The following SLC25A51 variants were observed in gnomAD, a reference collection of about 807,000 sequenced individuals.
SLC25A51 encodes the protein mitochondrial nicotinamide adenine dinucleotide transporter SLC25A51.
In SLC25A51, 11 loss-of-function variants were observed where a neutral mutation model predicts 19.1. The observed-to-expected ratio is 0.58, with a 90% CI of 0.36 to 0.96. The LOEUF (loss-of-function observed/expected upper bound fraction) is 0.96, where lower values mean the gene tolerates loss of function less well. SLC25A51 is among the 40% of genes least tolerant of loss of function. SLC25A51 has a pLI of 0.01. For synonymous variants in SLC25A51, 105 were observed against 133.6 expected (o/e 0.79, Z 1.47); for missense variants, 201 against 365.4 (o/e 0.55, Z 3.67).
chr9:37,900,923 C>T (rs545649139), intron 1 of SLC25A51, among the ~76,000 whole-genome samples: 3 of 152,172 alleles, frequency 2.0e-5, no homozygotes, highest in Admixed American at 6.5e-5. Context: ...GTGGCTACCT[C>T]GCAGTTCACT....
chr9:37,885,272 G>C (rs1033429531), downstream of SLC25A51, among the ~76,000 whole-genome samples: 2 of 143,632 alleles, frequency 1.4e-5, no homozygotes, highest in East Asian at 2.2e-4. Context: ...TGGGGATTAG[G>C]TTCCCTGTCA....
At chr9:37,891,994 T>C (rs577217777) in intron 2 of SLC25A51, among the ~76,000 whole-genome samples, 19 of 148,094 alleles carry the variant, frequency 1.3e-4, no homozygotes, top group Admixed American at 1.2e-3. Flanking sequence ...AAAGACACAA[T>C]GTGTAAGTGA....
intron 2 of SLC25A51, among the ~76,000 whole-genome samples, chr9:37,892,316 C>T (rs889994554): frequency 1.3e-5 from 2 of 152,200 alleles, no homozygotes; most frequent in African/African-American, 4.8e-5. Flanking sequence ...TCACTATGCA[C>T]ATAAGGGTGA....
intron 2 of SLC25A51, among the ~76,000 whole-genome samples, chr9:37,891,779 C>T (rs2118335848): frequency 6.6e-6 from 1 of 150,844 alleles, no homozygotes; most frequent in South Asian, 2.1e-4. Flanking sequence ...TGTTTGTCTG[C>T]TGACCTTCCC....
At chr9:37,903,335 A>T (rs1026195120) in intron 1 of SLC25A51, among the ~76,000 whole-genome samples, 1 of 152,194 alleles carries the variant, frequency 6.6e-6, no homozygotes, top group East Asian at 1.9e-4. Flanking sequence ...GAGCTGTGAG[A>T]TGCAAAACAA....
downstream of SLC25A51, among the ~76,000 whole-genome samples, chr9:37,883,221 AT>A (rs1831383184): frequency 6.6e-6 from 1 of 152,250 alleles, no homozygotes; most frequent in Non-Finnish European, 1.5e-5. Flanking sequence ...TTAACAACAC[AT>A]TTTGACTTCA....
intron 1 of SLC25A51, among the ~76,000 whole-genome samples, chr9:37,900,522 T>C (rs887109891): frequency 1.3e-5 from 2 of 151,968 alleles, no homozygotes; most frequent in African/African-American, 4.8e-5. Context: ...CATGGCTCAC[T>C]GCAGCCTGGA....
At chr9:37,894,905 A>G (rs1359690552) in intron 2 of SLC25A51, among the ~76,000 whole-genome samples, 1 of 152,188 alleles carries the variant, frequency 6.6e-6, no homozygotes, top group Non-Finnish European at 1.5e-5. Flanking sequence ...GTATGCTAAG[A>G]ATAATGGCTT....
At chr9:37,901,509 C>G (rs180919655) in intron 1 of SLC25A51, among the ~76,000 whole-genome samples, 102 of 152,296 alleles carry the variant, frequency 6.7e-4, no homozygotes, top group African/African-American at 2.2e-3. Flanking sequence ...TATTTTTATC[C>G]TTTATTTCAT....
chr9:37,877,688 T>C (rs1272307237), downstream of SLC25A51, among the ~76,000 whole-genome samples: 1 of 151,780 alleles, frequency 6.6e-6, no homozygotes, highest in African/African-American at 2.4e-5. Context: ...CGTGAGCCAC[T>C]GTGCCCTGCC....
exon 4 of SLC25A51, chr9:37,880,293 C>G (rs1256603127): frequency 7.3e-6 from 1 of 137,744 alleles, no homozygotes; most frequent in Middle Eastern, 3.9e-3. Context: ...AGCCTGGCGA[C>G]AGAGACCACG....
intron 2 of SLC25A51, among the ~76,000 whole-genome samples, chr9:37,894,032 G>A (rs1356296107): frequency 6.6e-6 from 1 of 152,150 alleles, no homozygotes; most frequent in African/African-American, 2.4e-5. Context: ...AGTGAGGTAT[G>A]TAACAATGCA....
chr9:37,901,677 A>G (rs970932998), intron 1 of SLC25A51, among the ~76,000 whole-genome samples: 11 of 151,932 alleles, frequency 7.2e-5, no homozygotes, highest in African/African-American at 2.4e-4. Context: ...GATTAAAGGG[A>G]AAAAAAAGGT....
chr9:37,886,693 C>G (rs1343819330), downstream of SLC25A51, among the ~76,000 whole-genome samples: 1 of 152,198 alleles, frequency 6.6e-6, no homozygotes, highest in Non-Finnish European at 1.5e-5. Flanking sequence ...CAGACATCTC[C>G]ATGGTTTCTC....
rs139759279 is a variant in SLC25A51, at chr9:37,893,761, A to T, written c.-42-5169T>A. ...TTTGTAGATCCAGTAACAACAAAAA[A>T]TCATTTAAATAAAAATTCACAGAAG... On this transcript the variant is annotated intron_variant, in intron 2 of 2. Coordinates refer to ENST00000242275, the MANE Select transcript of SLC25A51 (RefSeq NM_033412.4). Among the ~76,000 whole-genome samples the T allele has an allele frequency of 4.8e-3, 728 of 152,334 alleles. 9 individuals carry two copies. Among genetic ancestry groups the T allele is most frequent in the African/African-American group, 0.017 (700 of 41,566 alleles).
downstream of SLC25A51, among the ~76,000 whole-genome samples, chr9:37,885,342 T>TAAAAA (rs60095173): frequency 1.0e-5 from 1 of 99,238 alleles, no homozygotes; most frequent in Non-Finnish European, 2.0e-5. Context: ...TAGGTAATGA[T>TAAAAA]AAAAAAAAAA....
downstream of SLC25A51, among the ~76,000 whole-genome samples, chr9:37,883,703 T>G (rs1831391253): frequency 6.6e-6 from 1 of 152,220 alleles, no homozygotes; most frequent in African/African-American, 2.4e-5. Context: ...CCAAGGTGCC[T>G]TTATTTATTC....
At chr9:37,883,368 A>T (rs1232623430), downstream of SLC25A51, among the ~76,000 whole-genome samples, 1 of 152,254 alleles carries the variant, frequency 6.6e-6, no homozygotes, top group Non-Finnish European at 1.5e-5. Context: ...GTGACAAAGA[A>T]ATAAAAAAAA....
intron 2 of SLC25A51, among the ~76,000 whole-genome samples, chr9:37,894,415 C>T (rs913004853): frequency 3.3e-5 from 5 of 151,832 alleles, no homozygotes; most frequent in Non-Finnish European, 5.9e-5. Context: ...CAACCTCCAC[C>T]TCCTGGGTTC....
Sources: gnomAD v4.1 joint callset for allele counts (sites outside exome capture counted in the v4.1 genomes callset) on GRCh38, gnomAD v4.1.1 for gene constraint, MANE v1.5 for transcripts, NCBI Gene and HGNC (gene_info 2026-07-23, HGNC 2026-07-21) for gene names.